RUNDC1: variants seen among roughly 807,000 people sequenced by gnomAD.
The protein encoded by RUNDC1 is RUN domain containing 1.
A neutral mutation model predicts 49.3 loss-of-function variants in RUNDC1; 31 were observed. The observed-to-expected ratio is 0.63, with a 90% CI of 0.47 to 0.85. The LOEUF (loss-of-function observed/expected upper bound fraction) is 0.85. Among genes scored for constraint, RUNDC1 ranks in the 40% least tolerant of loss-of-function variants. The pLI is 0.00. For synonymous variants in RUNDC1, 347 were observed against 348.6 expected, an observed-to-expected ratio of 1.00 and a Z score of 0.05; for missense variants, 715 against 806.7, an observed-to-expected ratio of 0.89 and a Z score of 1.38.
At chr17:42,981,271 A>G in intron 1 of RUNDC1, 197 bp downstream of exon 1, 1 of 652,586 alleles carries the variant, frequency 1.5e-6, no homozygotes, top group Non-Finnish European at 2.5e-6. Flanking sequence ...CCTGAGGGTG[A>G]GCGGTGTGCA....
chr17:42,991,972 T>C lies in RUNDC1; in HGVS notation c.*256T>C, dbSNP rs1448073152. The C allele has an allele frequency of 6.9e-6, 3 of 434,556 alleles. No individual in the cohort carries two copies. The highest frequency in any genetic ancestry group is 2.4e-5 in the South Asian group (1 of 40,944). The allele number at this position is 434,556 out of a possible 1,614,324, so 26.9% of individuals were successfully genotyped here. Reference sequence around the variant, plus strand: ...GCTCACACCTGTAATCCCAGCACTTTGGGAGGCCGAGGCGGGCGGATCACA... The same window carrying C: ...GCTCACACCTGTAATCCCAGCACTTCGGGAGGCCGAGGCGGGCGGATCACA... On this transcript the variant is annotated 3_prime_UTR_variant, in exon 5 of 5. Transcript: ENST00000361677.
In RUNDC1 at chr17:42,993,920, C is replaced by T. The variant is rs1039901664; in HGVS notation, c.*2204C>T. ...TGTTGTCCAGGCTGGAGTGCAATGG[C>T]GTGATCTCAGCTCACTGCAACCTCC... On this transcript the variant is annotated 3_prime_UTR_variant, in exon 5 of 5. Coordinates refer to ENST00000361677, the MANE Select transcript of RUNDC1 (RefSeq NM_173079.5). Among the ~76,000 whole-genome samples, 7 of 152,064 alleles carry T rather than the reference C, an allele frequency of 4.6e-5. No homozygotes were observed. The highest frequency in any genetic ancestry group is 8.8e-5 in the Non-Finnish European group (6 of 68,028).
chr17:42,986,708 A>G (rs2050177078), intron 1 of RUNDC1, among the ~76,000 whole-genome samples: 2 of 151,764 alleles, frequency 1.3e-5, no homozygotes, highest in Admixed American at 1.3e-4. Context: ...TTACTGTGTT[A>G]GCCAGGATGG....
rs552369893 is a variant in RUNDC1 at position 42,994,721 on chromosome 17, C to T, written c.*3005C>T. On this transcript the variant is annotated 3_prime_UTR_variant, in exon 5 of 5. Coordinates refer to ENST00000361677, the MANE Select transcript of RUNDC1 (RefSeq NM_173079.5). ...GTGTGTATCAACTGAGACAACCCAACAATTCCATCAGCATCCCTGCAGTCA... is the reference window on the plus strand; with the variant it reads ...GTGTGTATCAACTGAGACAACCCAATAATTCCATCAGCATCCCTGCAGTCA... Among the ~76,000 whole-genome samples the T allele has an allele frequency of 6.6e-6, 1 of 152,298 alleles. No individual in the cohort carries two copies. Among genetic ancestry groups the T allele is most frequent in the East Asian group, 1.9e-4 (1 of 5,188 alleles).
At chr17:42,987,520 A>T in intron 2 of RUNDC1, 106 bp downstream of exon 2, 9 of 1,055,252 alleles carry the variant, frequency 8.5e-6, no homozygotes, top group Non-Finnish European at 1.3e-5. Flanking sequence ...GGCCTTACTG[A>T]GAATCCCTCT....
chr17:42,991,551 C>A lies in RUNDC1; in HGVS notation c.1677C>A (p.Cys559Ter). Reference protein sequence around the residue: ...QRLVSWVNLICKSGSLIEPHY... With the variant: ...QRLVSWVNLI ...TGGTGTCCTGGGTGAACCTCATCTG[C>A]AAGTCCGGGTCACTCATCGAGCCTC... Residue 559 changes from cysteine (C) to a stop codon, truncating the protein, a stop_gained, in exon 5 of 5, where the codon TGC becomes TGA. Transcript: ENST00000361677. LOFTEE classifies it high-confidence loss of function. 6.2e-7 allele frequency: 1 copy of A among 1,614,172 alleles called. No individual in the cohort carries two copies. The highest frequency in any genetic ancestry group is 1.6e-4 in the Middle Eastern group (1 of 6,062).
chr17:42,981,994 T>TTTTTTTTTG (rs2050102327), intron 1 of RUNDC1: 1 of 143,272 alleles, frequency 7.0e-6, no homozygotes, highest in Admixed American at 7.0e-5. Context: ...CCTTTTCACT[T>TTTTTTTTTG]TTTTTTTTTG....
intron 4 of RUNDC1, among the ~76,000 whole-genome samples, 181 bp downstream of exon 4, chr17:42,990,617 T>C (rs1480764731): frequency 6.6e-6 from 1 of 152,220 alleles, no homozygotes; most frequent in Non-Finnish European, 1.5e-5. Flanking sequence ...ATTCTGAATA[T>C]ACTAAAAACC....
At chr17:42,988,126 A>G (rs2050193551) in intron 2 of RUNDC1, among the ~76,000 whole-genome samples, 2 of 152,012 alleles carry the variant, frequency 1.3e-5, no homozygotes, top group African/African-American at 4.8e-5. Context: ...TTAATACTGT[A>G]TTTATTTAGG....
At chr17:42,985,002 TCTC>T (rs1486346523) in intron 1 of RUNDC1, among the ~76,000 whole-genome samples, 2 of 148,344 alleles carry the variant, frequency 1.3e-5, no homozygotes, top group Non-Finnish European at 3.0e-5. Flanking sequence ...TTCAAGCCAT[TCTC>T]CTGCCTCAGC....
chr17:42,990,202 G>T, intron 3 of RUNDC1, 115 bp from the exon 4 acceptor site: 1 of 1,376,362 alleles, frequency 7.3e-7, no homozygotes, highest in Non-Finnish European at 9.9e-7. Context: ...CAATTAAATA[G>T]GACAAGAGTT....
chr17:42,987,412 C>T lies in RUNDC1; in HGVS notation c.655C>T (p.Arg219Trp), dbSNP rs750660231. 6.2e-6 allele frequency: 10 copies of T among 1,613,698 alleles called. No individual in the cohort carries two copies. Among genetic ancestry groups the T allele is most frequent in the South Asian group, 4.4e-5 (4 of 91,072 alleles). Residue 219 changes from arginine to tryptophan, a missense_variant and splice_region_variant, in exon 2 of 5, where the codon CGG becomes TGG. This residue lies in a region of RUNDC1 where 425 missense variants were observed against 499.7 expected (regional missense o/e 0.85). Transcript: ENST00000361677. ...ACAGTCCGTGGTGTTGGAAAGACAG[C>T]GGGTGAGCAGACCCCAGAGGAACCT... ...LPQSVVLERQRVIIDELIKKL... is the reference protein window; with the variant it reads ...LPQSVVLERQWVIIDELIKKL...
At chr17:42,989,683 G>A in intron 3 of RUNDC1, 144 bp downstream of exon 3, 1 of 747,940 alleles carries the variant, frequency 1.3e-6, no homozygotes, top group South Asian at 1.8e-5. Flanking sequence ...TCCCCTGGCT[G>A]GAGTGCAGTG....
Position 42,991,371 on chromosome 17 carries a change from C to T in RUNDC1, c.1497C>T (p.Ser499=), listed in dbSNP as rs1259382399. 3 of 1,614,138 alleles carry T rather than the reference C, an allele frequency of 1.9e-6. No individual in the cohort carries two copies. The highest frequency in any genetic ancestry group is 2.5e-6 in the Non-Finnish European group (3 of 1,180,060). Residue 499 remains serine (S), a synonymous_variant, in exon 5 of 5, where the codon TCC becomes TCT. Coordinates refer to ENST00000361677, the MANE Select transcript of RUNDC1 (RefSeq NM_173079.5). Reference sequence around the variant, plus strand: ...CCCCAGCCCGGAAGCTCTCCCAGTCCTTCGCCCTTCCTGTTACGGGAGGCA... The same window carrying T: ...CCCCAGCCCGGAAGCTCTCCCAGTCTTTCGCCCTTCCTGTTACGGGAGGCA... The part of the protein sequence containing the change: ...VESPARKLSQ[S]FALPVTGGTV...
At chr17:42,986,747 C>T (rs1227851631) in intron 1 of RUNDC1, among the ~76,000 whole-genome samples, 2 of 152,132 alleles carry the variant, frequency 1.3e-5, no homozygotes, top group African/African-American at 4.8e-5. Flanking sequence ...GATCCACCCG[C>T]CTCGGCCTCC....
intron 1 of RUNDC1, chr17:42,981,603 T>C (rs1458197710): frequency 6.5e-6 from 1 of 152,896 alleles, no homozygotes; most frequent in Non-Finnish European, 1.5e-5. Context: ...TCTTAGTAAC[T>C]GAAATAAACA....
chr17:42,987,500 G>T, intron 2 of RUNDC1, 86 bp downstream of exon 2: 1 of 1,338,592 alleles, frequency 7.5e-7, no homozygotes, highest in Non-Finnish European at 1.1e-6. Flanking sequence ...TCTCAGCTCA[G>T]TTCTCCTTTG....
chr17:42,982,873 G>T (rs1194716332), intron 1 of RUNDC1, among the ~76,000 whole-genome samples: 2 of 150,898 alleles, frequency 1.3e-5, no homozygotes, highest in Non-Finnish European at 2.9e-5. Flanking sequence ...TGTAATCCCA[G>T]CTACTCGGGA....
At chr17:42,981,122 G>A (rs1186318238) in intron 1 of RUNDC1, 48 bp downstream of exon 1, 4 of 1,516,778 alleles carry the variant, frequency 2.6e-6, no homozygotes, top group Non-Finnish European at 8.8e-7. Flanking sequence ...TAGTGGGGTC[G>A]TGTGGGTGGC....
Sources: gnomAD v4.1 joint callset for allele counts (sites outside exome capture counted in the v4.1 genomes callset) on GRCh38, gnomAD v4.1.1 for gene constraint, gnomAD v4.1.1 regional missense constraint, MANE v1.5 for transcripts, NCBI Gene and HGNC (gene_info 2026-07-23, HGNC 2026-07-21) for gene names.